The following XCR1 variants were observed in gnomAD, a reference collection of about 807,000 sequenced individuals.
XCR1 encodes X-C motif chemokine receptor 1.
For missense variants in XCR1, 356 were observed against 424.2 expected (o/e 0.84, Z 1.41); for synonymous variants, 187 against 188.5 (o/e 0.99, Z 0.06).
chr3:46,022,106 C>T, intron 1 of XCR1, 128 bp from the exon 2 acceptor site: 1 of 807,650 alleles, frequency 1.2e-6, no homozygotes, highest in Non-Finnish European at 1.9e-6. Context: ...TTGAGACCAT[C>T]CCAGGCAATA....
At chr3:46,071,030 C>A (rs1270080407) in intron 3 of XCR1, among the ~76,000 whole-genome samples, 2 of 151,880 alleles carry the variant, frequency 1.3e-5, no homozygotes, top group African/African-American at 4.8e-5. Context: ...TTGAGCATTT[C>A]TTGTACAAAA....
rs984690664 is a variant in XCR1 at position 46,019,741 on chromosome 3, A to C, written c.*1205T>G. 6.6e-6 allele frequency: 1 copy of C among 152,272 alleles called. No homozygotes were observed. The highest frequency in any genetic ancestry group is 6.5e-5 in the Admixed American group (1 of 15,280). 9.4% of individuals were successfully genotyped at this position (152,272 alleles called of 1,614,324 possible). A position where few individuals can be genotyped will look rare whatever the true frequency, so the allele number is the denominator to read the frequency against. ...GTGGAGGCCTTGAAAGCCTTGCTAAAGTGTATGGACTTCATTTGTAAGTAA... is the reference window on the plus strand; with the variant it reads ...GTGGAGGCCTTGAAAGCCTTGCTAACGTGTATGGACTTCATTTGTAAGTAA... On this transcript the variant is annotated 3_prime_UTR_variant, in exon 2 of 2. Coordinates refer to ENST00000309285, the MANE Select transcript of XCR1 (RefSeq NM_001024644.2).
At chr3:46,068,781 CGTGTGTGTGT>C (rs10583362) in intron 3 of XCR1, among the ~76,000 whole-genome samples, 9 of 150,166 alleles carry the variant, frequency 6.0e-5, no homozygotes, top group African/African-American at 1.7e-4. Flanking sequence ...ACATCATGGA[CGTGTGTGTGT>C]GTGTGTGTGT....
intron 3 of XCR1, among the ~76,000 whole-genome samples, chr3:46,070,718 A>T (rs2125902696): frequency 6.6e-6 from 1 of 151,884 alleles, no homozygotes; most frequent in South Asian, 2.1e-4. Context: ...TTTTTAATCC[A>T]TTATGTCAGT....
At chr3:46,067,316 G>C (rs1021836876) in intron 3 of XCR1, among the ~76,000 whole-genome samples, 37 of 152,168 alleles carry the variant, frequency 2.4e-4, no homozygotes, top group Non-Finnish European at 5.0e-4. Flanking sequence ...GGGAGAGGGG[G>C]CTGAATGCCA....
At position 46,052,942 on chromosome 3, in the gene XCR1, G is replaced by T. The variant is rs553643202; in HGVS notation, c.-32+978C>A. Among the ~76,000 whole-genome samples, 16 of 152,318 alleles carry T rather than the reference G, an allele frequency of 1.1e-4. No homozygotes were observed. In the East Asian group the frequency reaches 2.9e-3, roughly 28 times the overall value. The stretch of plus-strand genomic sequence containing the variant: ...CCCAGGCGCATTTAGTGGCCTGTGT[G>T]CACTGCTGATAAGCAGCATTTGTGA... On this transcript the variant is annotated intron_variant, in intron 5 of 5. Transcript: ENST00000683768.
At chr3:46,080,740 C>T (rs1271861053) in intron 1 of XCR1, among the ~76,000 whole-genome samples, 1 of 152,272 alleles carries the variant, frequency 6.6e-6, no homozygotes, top group East Asian at 1.9e-4. Flanking sequence ...CAATCTTTCC[C>T]TTAGGGCTTC....
At chr3:46,024,751 T>G (rs903439797) in intron 1 of XCR1, among the ~76,000 whole-genome samples, 2 of 152,212 alleles carry the variant, frequency 1.3e-5, no homozygotes, top group Non-Finnish European at 2.9e-5. Context: ...TTTACATGAT[T>G]AATCAGGGTG....
At chr3:46,039,850 C>T (rs751373636) in intron 5 of XCR1, among the ~76,000 whole-genome samples, 4 of 152,146 alleles carry the variant, frequency 2.6e-5, no homozygotes, top group East Asian at 1.9e-4. Flanking sequence ...ATCACACTTA[C>T]GCAAGGCCAG....
At chr3:46,035,899 G>A (rs1001066574) in intron 5 of XCR1, among the ~76,000 whole-genome samples, 1 of 152,026 alleles carries the variant, frequency 6.6e-6, no homozygotes, top group African/African-American at 2.4e-5. Flanking sequence ...ATAGCAGGAT[G>A]TGCTCCTCTC....
At chr3:46,035,814 C>T (rs1244449978) in intron 5 of XCR1, among the ~76,000 whole-genome samples, 1 of 152,166 alleles carries the variant, frequency 6.6e-6, no homozygotes, top group Non-Finnish European at 1.5e-5. Context: ...TGTTTCACTA[C>T]GGACACTCTT....
rs369575610 is a variant in XCR1 at position 46,032,980 on chromosome 3, T to C, written c.-31-11002A>G. ...GTCCATTTTCTAAATTGGATTGTTT[T>C]CTTATCATTGAGTTCTAAGAGTTCT... On this transcript the variant is annotated intron_variant, in intron 5 of 5. Transcript: ENST00000683768. Among the ~76,000 whole-genome samples, 17 of 152,366 alleles carry C rather than the reference T, an allele frequency of 1.1e-4. No individual in the cohort carries two copies. In the East Asian group the frequency reaches 2.7e-3, roughly 24 times the overall value.
At position 46,017,281 on chromosome 3, in the gene XCR1, G is replaced by A. The variant is rs1708060049; in HGVS notation, c.*3665C>T. 1 of 152,224 alleles carries A rather than the reference G, an allele frequency of 6.6e-6. No homozygotes were observed. Among genetic ancestry groups the A allele is most frequent in the Admixed American group, 6.5e-5 (1 of 15,286 alleles). 9.4% of individuals were successfully genotyped at this position (152,224 alleles called of 1,614,324 possible). A position where few individuals can be genotyped will look rare whatever the true frequency, so the allele number is the denominator to read the frequency against. ...CAAATGTCATTCGACTCCACAGACAGTTTACTTTGGACATCTTTAGACCAG... is the reference window on the plus strand; with the variant it reads ...CAAATGTCATTCGACTCCACAGACAATTTACTTTGGACATCTTTAGACCAG... On this transcript the variant is annotated 3_prime_UTR_variant, in exon 2 of 2. Coordinates refer to ENST00000309285, the MANE Select transcript of XCR1 (RefSeq NM_001024644.2).
At chr3:46,054,039 G>A (rs1364979282) in exon 5 of XCR1, among the ~76,000 whole-genome samples, 1 of 152,096 alleles carries the variant, frequency 6.6e-6, no homozygotes, top group Non-Finnish European at 1.5e-5. Flanking sequence ...TTTCTGGGGT[G>A]CCACTATGTA....
At chr3:46,050,690 G>C (rs1179895492) in intron 5 of XCR1, among the ~76,000 whole-genome samples, 1 of 152,144 alleles carries the variant, frequency 6.6e-6, no homozygotes, top group Non-Finnish European at 1.5e-5. Context: ...CCCATTGATA[G>C]TGAGACACGT....
At chr3:46,083,927 T>C (rs1328805620) in intron 1 of XCR1, among the ~76,000 whole-genome samples, 1 of 152,248 alleles carries the variant, frequency 6.6e-6, no homozygotes, top group Non-Finnish European at 1.5e-5. Flanking sequence ...ACTAGATTCC[T>C]TTTTCATTCT....
At chr3:46,027,936 G>C (rs1308109203), upstream of XCR1, among the ~76,000 whole-genome samples, 1 of 152,116 alleles carries the variant, frequency 6.6e-6, no homozygotes, top group Non-Finnish European at 1.5e-5. Flanking sequence ...CCTGGGCCAA[G>C]GTCTCAGTCC....
At chr3:46,046,994 A>G (rs1406553329) in intron 5 of XCR1, among the ~76,000 whole-genome samples, 2 of 152,244 alleles carry the variant, frequency 1.3e-5, no homozygotes, top group African/African-American at 4.8e-5. Context: ...TGACAACGCA[A>G]TTGCTGCTGC....
At chr3:46,045,914 T>G (rs1398966471) in intron 5 of XCR1, among the ~76,000 whole-genome samples, 1 of 152,144 alleles carries the variant, frequency 6.6e-6, no homozygotes, top group African/African-American at 2.4e-5. Flanking sequence ...GCACCTAAAC[T>G]CATATGTTTA....
Sources: allele counts gnomAD v4.1 joint callset (sites outside exome capture counted in the v4.1 genomes callset), GRCh38; gene constraint gnomAD v4.1.1; transcripts MANE v1.5; gene names NCBI Gene and HGNC (gene_info 2026-07-23, HGNC 2026-07-21).